The following TECPR2 variants were observed in gnomAD, a reference collection of about 807,000 sequenced individuals.
The protein encoded by TECPR2 is tectonin beta-propeller repeat containing 2, also known as tectonin beta-propeller repeat-containing protein 2.
TECPR2 carries 65 observed loss-of-function variants against 138.1 expected under a neutral mutation model. The ratio of observed to expected loss-of-function variants is 0.47; its 90% confidence interval spans 0.39 to 0.58. The LOEUF is 0.58. Among genes scored for constraint, TECPR2 ranks in the 20% least tolerant of loss-of-function variants. The pLI, the probability that TECPR2 is intolerant of heterozygous loss-of-function variation, is 0.00. For missense variants in TECPR2, 1,553 were observed against 1,824.5 expected, an observed-to-expected ratio of 0.85 and a Z score of 2.71; for synonymous variants, 746 against 749.8, an observed-to-expected ratio of 0.99 and a Z score of 0.08.
chr14:102,464,114 A>T (rs961350880), intron 16 of TECPR2, among the ~76,000 whole-genome samples: 2 of 152,032 alleles, frequency 1.3e-5, no homozygotes, highest in Non-Finnish European at 2.9e-5. Context: ...CCCTCAGCAG[A>T]TCTCTTTCTG....
chr14:102,410,631 G>C (rs1440454554), intron 4 of TECPR2, among the ~76,000 whole-genome samples: 2 of 151,932 alleles, frequency 1.3e-5, no homozygotes, highest in African/African-American at 4.8e-5. Context: ...TTGAGCTCCT[G>C]TATGGATACT....
rs1891437283 is a variant in TECPR2, at chr14:102,501,630, T to C, written c.*3373T>C. The stretch of plus-strand genomic sequence containing the variant: ...GGGAAATAATTGCAACAAATGGGAA[T>C]TGATGTTGAATATTTACCTTAAAAA... On this transcript the variant is annotated 3_prime_UTR_variant, in exon 20 of 20. Coordinates refer to ENST00000359520, the MANE Select transcript of TECPR2 (RefSeq NM_014844.5). 1 of 152,142 alleles carries C rather than the reference T, an allele frequency of 6.6e-6. No homozygotes were observed. The highest frequency in any genetic ancestry group is 2.1e-4 in the South Asian group (1 of 4,830). The allele number at this position is 152,142 out of a possible 1,614,324, so 9.4% of individuals were successfully genotyped here.
chr14:102,486,054 G>A (rs553399995), intron 17 of TECPR2, among the ~76,000 whole-genome samples: 263 of 152,300 alleles, frequency 1.7e-3, no homozygotes, highest in Non-Finnish European at 2.9e-3. Flanking sequence ...GCTTCTGAGC[G>A]TTTTCTTTAG....
chr14:102,461,508 G>A (rs1280744053), intron 16 of TECPR2, among the ~76,000 whole-genome samples: 1 of 151,978 alleles, frequency 6.6e-6, no homozygotes, highest in South Asian at 2.1e-4. Flanking sequence ...AGTAATTAAA[G>A]CATTTTTTTA....
At chr14:102,393,583 G>A (rs558076069) in intron 2 of TECPR2, among the ~76,000 whole-genome samples, 20 of 152,164 alleles carry the variant, frequency 1.3e-4, no homozygotes, top group Non-Finnish European at 2.2e-4. Context: ...TTTTGAGACG[G>A]AGTCTCACTC....
chr14:102,502,389 G>C lies in TECPR2; in HGVS notation c.*4132G>C, dbSNP rs1555456087. On this transcript the variant is annotated 3_prime_UTR_variant, in exon 20 of 20. Coordinates refer to ENST00000359520, the MANE Select transcript of TECPR2 (RefSeq NM_014844.5). Reference sequence around the variant, plus strand: ...CAGCAGCTGGTCATAGTGGTTGCCTGGAGTATATGCCTTTTTGTATCCTTT... The same window carrying C: ...CAGCAGCTGGTCATAGTGGTTGCCTCGAGTATATGCCTTTTTGTATCCTTT... The C allele has an allele frequency of 6.6e-6, 1 of 152,636 alleles. No individual in the cohort carries two copies. The highest frequency in any genetic ancestry group is 1.5e-5 in the Non-Finnish European group (1 of 68,040). The allele number at this position is 152,636 out of a possible 1,614,324, so 9.5% of individuals were successfully genotyped here. A position where few individuals can be genotyped will look rare whatever the true frequency, so the allele number is the denominator to read the frequency against.
intron 16 of TECPR2, among the ~76,000 whole-genome samples, chr14:102,460,889 G>A (rs1330396340): frequency 6.6e-6 from 1 of 151,734 alleles, no homozygotes; most frequent in African/African-American, 2.4e-5. Context: ...TAGAGATGGG[G>A]CTTCACCGTG....
chr14:102,414,315 C>T (rs1888962765), intron 4 of TECPR2, among the ~76,000 whole-genome samples: 1 of 152,232 alleles, frequency 6.6e-6, no homozygotes, highest in South Asian at 2.1e-4. Flanking sequence ...ATGTTTACTG[C>T]ATCATCCCTG....
At chr14:102,447,705 G>A (rs1000690650) in intron 13 of TECPR2, among the ~76,000 whole-genome samples, 1 of 151,992 alleles carries the variant, frequency 6.6e-6, no homozygotes, top group Non-Finnish European at 1.5e-5. Flanking sequence ...CAGCTAATTT[G>A]TGTATTTTTG....
intron 6 of TECPR2, 131 bp from the exon 7 acceptor site, chr14:102,428,119 A>G (rs1185820624): frequency 4.8e-6 from 6 of 1,254,290 alleles, no homozygotes; most frequent in African/African-American, 1.5e-5. Flanking sequence ...GAATTTTCAG[A>G]AAGTTACCAT....
At chr14:102,490,960 T>A (rs966079501) in intron 17 of TECPR2, among the ~76,000 whole-genome samples, 1 of 152,088 alleles carries the variant, frequency 6.6e-6, no homozygotes, top group Non-Finnish European at 1.5e-5. Flanking sequence ...AATGTCACGA[T>A]CTCAGCTCTC....
At chr14:102,491,379 A>C (rs979487879) in intron 17 of TECPR2, among the ~76,000 whole-genome samples, 3 of 152,146 alleles carry the variant, frequency 2.0e-5, no homozygotes, top group African/African-American at 7.2e-5. Context: ...CCATGCCCAG[A>C]TAATTTTTTA....
chr14:102,395,746 C>T (rs776914546), intron 2 of TECPR2, among the ~76,000 whole-genome samples: 3 of 151,816 alleles, frequency 2.0e-5, no homozygotes, highest in African/African-American at 4.8e-5. Context: ...TGCAGTGAGC[C>T]GAGATCACAC....
intron 16 of TECPR2, among the ~76,000 whole-genome samples, chr14:102,458,814 AC>A: frequency 6.6e-6 from 1 of 151,744 alleles, no homozygotes; most frequent in Admixed American, 6.6e-5. Context: ...CTGTGCTTCT[AC>A]CTGTCATTTC....
intron 17 of TECPR2, among the ~76,000 whole-genome samples, chr14:102,476,154 C>T (rs1468396103): frequency 4.1e-5 from 5 of 123,178 alleles, no homozygotes; most frequent in Non-Finnish European, 4.7e-5. Flanking sequence ...TTGCAGTGAG[C>T]AAAGATTGCA....
chr14:102,429,796 C>T (rs1167380554), intron 7 of TECPR2, among the ~76,000 whole-genome samples: 1 of 152,134 alleles, frequency 6.6e-6, no homozygotes, highest in Non-Finnish European at 1.5e-5. Context: ...GACTTGGAGC[C>T]ACCAGGCTAA....
chr14:102,408,040 G>A (rs976930938), intron 3 of TECPR2, among the ~76,000 whole-genome samples: 9 of 151,750 alleles, frequency 5.9e-5, no homozygotes, highest in East Asian at 3.9e-4. Context: ...GTGGTGGTGC[G>A]TGCCTGTAGT....
At chr14:102,421,366 T>G (rs1383326461) in intron 5 of TECPR2, among the ~76,000 whole-genome samples, 5 of 152,220 alleles carry the variant, frequency 3.3e-5, no homozygotes, top group Non-Finnish European at 7.3e-5. Flanking sequence ...CAAAACACCC[T>G]TGGTTCGTCC....
intron 1 of TECPR2, among the ~76,000 whole-genome samples, chr14:102,367,275 A>T (rs1220490916): frequency 6.6e-6 from 1 of 152,182 alleles, no homozygotes; most frequent in African/African-American, 2.4e-5. Context: ...TATAATTTAC[A>T]TGCCACACAG....
Sources: allele counts gnomAD v4.1 joint callset (sites outside exome capture counted in the v4.1 genomes callset), GRCh38; gene constraint gnomAD v4.1.1; transcripts MANE v1.5; gene names NCBI Gene and HGNC (gene_info 2026-07-23, HGNC 2026-07-21).